Variants in CHCHD3 observed in about 807,000 individuals in gnomAD.
CHCHD3 encodes the protein coiled-coil-helix-coiled-coil-helix domain containing 3, also known as MICOS complex subunit MIC19.
Under a neutral mutation model 38.2 loss-of-function variants are expected in CHCHD3, and 20 were observed. The observed-to-expected ratio is 0.52, with a 90% CI of 0.37 to 0.76. The LOEUF (loss-of-function observed/expected upper bound fraction) is 0.76. CHCHD3 is among the 30% of genes least tolerant of loss of function. The probability of loss-of-function intolerance (pLI) is 0.00; values close to 1 mark genes in which losing one functional copy is unlikely to be tolerated. For missense variants in CHCHD3, 245 were observed against 279.2 expected (o/e 0.88, Z 0.87); for synonymous variants, 82 against 100.0 (o/e 0.82, Z 1.07).
chr7:132,883,891 A>G (rs370229383), intron 5 of CHCHD3, among the ~76,000 whole-genome samples: 4 of 152,278 alleles, frequency 2.6e-5, no homozygotes, highest in African/African-American at 7.2e-5. Flanking sequence ...ATCCCAATCC[A>G]TATCTTAAGA....
At chr7:132,943,587 A>T (rs554025920) in intron 4 of CHCHD3, among the ~76,000 whole-genome samples, 10 of 152,180 alleles carry the variant, frequency 6.6e-5, no homozygotes, top group Non-Finnish European at 1.3e-4. Flanking sequence ...TTAGTAAAAA[A>T]ATTGAAAACA....
intron 6 of CHCHD3, among the ~76,000 whole-genome samples, chr7:132,804,688 C>G (rs916685040): frequency 6.6e-6 from 1 of 152,116 alleles, no homozygotes; most frequent in Non-Finnish European, 1.5e-5. Context: ...GGTGAGAGAG[C>G]GTGTTACATT....
intron 4 of CHCHD3, among the ~76,000 whole-genome samples, chr7:132,935,608 T>C (rs1448420110): frequency 6.6e-6 from 1 of 152,192 alleles, no homozygotes; most frequent in Non-Finnish European, 1.5e-5. Context: ...TTCACAATTA[T>C]ACTAAGAAAA....
In CHCHD3 at chr7:132,949,046, G is replaced by A. The variant is rs190770041; in HGVS notation, c.369+26123C>T. On this transcript the variant is annotated intron_variant, in intron 4 of 7. Transcript: ENST00000262570. ...CAATGTGATTTACAATCGCAAAGGA[G>A]TTGTCAAGAAATGTTAAATATCTAA... Among the ~76,000 whole-genome samples the A allele has an allele frequency of 3.4e-3, 524 of 152,252 alleles. 1 individual carries two copies. The highest frequency in any genetic ancestry group is 5.3e-3 in the Non-Finnish European group (359 of 68,020).
At chr7:133,017,035 C>A (rs549329139) in intron 3 of CHCHD3, among the ~76,000 whole-genome samples, 1 of 152,124 alleles carries the variant, frequency 6.6e-6, no homozygotes, top group Non-Finnish European at 1.5e-5. Context: ...TCCAAATTTG[C>A]GAGAAAATGA....
At chr7:133,034,601 A>C in intron 2 of CHCHD3, 1 of 1,587,678 alleles carries the variant, frequency 6.3e-7, no homozygotes, top group Non-Finnish European at 8.6e-7. Context: ...TGATGGCAAG[A>C]GATGTTCACT....
intron 5 of CHCHD3, among the ~76,000 whole-genome samples, chr7:132,847,737 C>T (rs1808113010): frequency 6.6e-6 from 1 of 152,196 alleles, no homozygotes. Context: ...CATGCACATA[C>T]ACACACAGTA....
At chr7:132,886,741 T>C (rs1809227683) in intron 4 of CHCHD3, among the ~76,000 whole-genome samples, 1 of 151,640 alleles carries the variant, frequency 6.6e-6, no homozygotes, top group South Asian at 2.1e-4. Context: ...AAACAAAGTA[T>C]ATATATTACT....
chr7:132,905,768 G>C (rs910324652), intron 4 of CHCHD3, among the ~76,000 whole-genome samples: 2 of 152,114 alleles, frequency 1.3e-5, no homozygotes, highest in African/African-American at 4.8e-5. Flanking sequence ...CATTTGGATG[G>C]GCTGATCATC....
At chr7:132,997,194 A>G (rs562046193) in intron 3 of CHCHD3, among the ~76,000 whole-genome samples, 58 of 152,286 alleles carry the variant, frequency 3.8e-4, no homozygotes, top group Middle Eastern at 6.8e-3. Flanking sequence ...ATCCATTTCT[A>G]TCATTTTTGA....
chr7:132,957,586 G>A (rs554951038), intron 4 of CHCHD3, among the ~76,000 whole-genome samples: 2 of 152,206 alleles, frequency 1.3e-5, no homozygotes, highest in African/African-American at 2.4e-5. Context: ...GAGTTCAAGC[G>A]ATTCTCCTGC....
intron 4 of CHCHD3, among the ~76,000 whole-genome samples, chr7:132,910,286 G>A (rs995080455): frequency 1.3e-5 from 2 of 152,264 alleles, no homozygotes; most frequent in South Asian, 2.1e-4. Context: ...TCAGAGTCCA[G>A]CATAGTGCCT....
chr7:132,963,623 C>T (rs1193635229), intron 4 of CHCHD3, among the ~76,000 whole-genome samples: 8 of 134,318 alleles, frequency 6.0e-5, no homozygotes, highest in Non-Finnish European at 1.3e-4. Flanking sequence ...AGTGAGACTC[C>T]ATCTCAAAAA....
At chr7:133,036,545 G>T (rs1813681755) in intron 2 of CHCHD3, among the ~76,000 whole-genome samples, 1 of 152,074 alleles carries the variant, frequency 6.6e-6, no homozygotes, top group South Asian at 2.1e-4. Context: ...GTCATATCTG[G>T]TTCATCTTAA....
chr7:133,021,967 ATC>A (rs1813190012), intron 3 of CHCHD3, among the ~76,000 whole-genome samples: 1 of 152,006 alleles, frequency 6.6e-6, no homozygotes, highest in African/African-American at 2.4e-5. Context: ...GGCGCCTGTA[ATC>A]CCAGCTACTC....
chr7:133,001,642 G>C (rs1356503354), intron 3 of CHCHD3, among the ~76,000 whole-genome samples: 1 of 152,068 alleles, frequency 6.6e-6, no homozygotes, highest in Admixed American at 6.6e-5. Context: ...CTACAAAAGA[G>C]AAAAAGCTCA....
Position 133,070,184 on chromosome 7 carries a change from C to A in CHCHD3, c.127G>T (p.Gly43Cys). The change falls in exon 2 of 8, where the codon GGT becomes TGT. Residue 43 changes from glycine to cysteine, a missense_variant. Transcript: ENST00000262570. ...CCAGAATACCGCTGAGACTTCGAAC[C>A]AGATGGAGAGGATTCCTTCATTCGA... Reference protein sequence around the residue: ...IDRMKESSPSGSKSQRYSGAY... With the variant: ...IDRMKESSPSCSKSQRYSGAY... 6.2e-7 allele frequency: 1 copy of A among 1,613,266 alleles called. No individual in the cohort carries two copies.
At chr7:132,954,249 C>T (rs902190189) in intron 4 of CHCHD3, among the ~76,000 whole-genome samples, 1 of 152,110 alleles carries the variant, frequency 6.6e-6, no homozygotes, top group Non-Finnish European at 1.5e-5. Context: ...CATCTTGTGT[C>T]CCTATCTCCT....
chr7:132,933,715 C>G (rs1810569505), intron 4 of CHCHD3, among the ~76,000 whole-genome samples: 1 of 152,156 alleles, frequency 6.6e-6, no homozygotes, highest in Non-Finnish European at 1.5e-5. Context: ...TAGTACATAA[C>G]AGAAAACTTT....
Sources: allele counts gnomAD v4.1 joint callset (sites outside exome capture counted in the v4.1 genomes callset), GRCh38; gene constraint gnomAD v4.1.1; transcripts MANE v1.5; gene names NCBI Gene and HGNC (gene_info 2026-07-23, HGNC 2026-07-21).